The following EPM2A variants were observed in gnomAD, a reference collection of about 807,000 sequenced individuals.
EPM2A encodes the protein EPM2A glucan phosphatase, laforin, also known as laforin.
In EPM2A, 21 loss-of-function variants were observed where a neutral mutation model predicts 26.5. The ratio of observed to expected loss-of-function variants is 0.79; its 90% CI spans 0.56 to 1.14. EPM2A has a LOEUF of 1.14. EPM2A is among the 50% of genes most tolerant of loss of function. EPM2A has a pLI of 0.00. For missense variants in EPM2A, 458 were observed against 440.8 expected (o/e 1.04, Z -0.35); for synonymous variants, 217 against 177.6 (o/e 1.22, Z -1.76).
intron 1 of EPM2A, among the ~76,000 whole-genome samples, chr6:145,707,319 G>A (rs1216831895): frequency 6.6e-6 from 1 of 151,924 alleles, no homozygotes; most frequent in African/African-American, 2.4e-5. Flanking sequence ...ATAGGAAGTG[G>A]CAGGGGAAGA....
chr6:145,491,811 C>G, intron 4 of EPM2A: 1 of 531,618 alleles, frequency 1.9e-6, no homozygotes, highest in Non-Finnish European at 3.9e-6. Context: ...TCTCCTGTAT[C>G]AATTATTTTG....
intron 1 of EPM2A, 78 bp downstream of exon 1, chr6:145,735,120 C>CCCGAGG (rs1313486836): frequency 2.8e-5 from 33 of 1,158,994 alleles, no homozygotes; most frequent in Non-Finnish European, 3.7e-5. Flanking sequence ...GCGGGGCCTG[C>CCCGAGG]CCGAGGCCGA....
chr6:145,508,114 GA>G (rs1239372295), intron 2 of EPM2A, among the ~76,000 whole-genome samples: 3 of 152,198 alleles, frequency 2.0e-5, no homozygotes, highest in Non-Finnish European at 4.4e-5. Context: ...ACAAAGCCTG[GA>G]AATGAACTTA....
At chr6:145,467,075 A>T (rs961467945) in intron 4 of EPM2A, among the ~76,000 whole-genome samples, 3 of 152,198 alleles carry the variant, frequency 2.0e-5, no homozygotes, top group Non-Finnish European at 4.4e-5. Context: ...GCGCACCAGC[A>T]TGGCACATGT....
At chr6:145,662,084 C>T (rs545170022) in intron 2 of EPM2A, among the ~76,000 whole-genome samples, 47 of 152,118 alleles carry the variant, frequency 3.1e-4, no homozygotes, top group Non-Finnish European at 5.9e-4. Context: ...AACCATTTCC[C>T]CACCTACTGT....
intron 4 of EPM2A, among the ~76,000 whole-genome samples, chr6:145,438,084 T>TGTGTGTGTGCACAC (rs1156928483): frequency 6.6e-6 from 1 of 152,166 alleles, no homozygotes; most frequent in Non-Finnish European, 1.5e-5. Flanking sequence ...AGGTGGTGTA[T>TGTGTGTGTGCACAC]GTGTGTGTGC....
intron 2 of EPM2A, among the ~76,000 whole-genome samples, chr6:145,608,685 T>C (rs148187022): frequency 1.1e-4 from 16 of 152,272 alleles, no homozygotes; most frequent in East Asian, 1.9e-4. Context: ...TGGATTAAGT[T>C]TGCTGTATTT....
At chr6:145,402,595 T>A (rs1266237041) in intron 4 of EPM2A, among the ~76,000 whole-genome samples, 1 of 152,150 alleles carries the variant, frequency 6.6e-6, no homozygotes, top group Non-Finnish European at 1.5e-5. Flanking sequence ...TATTCTTGTT[T>A]TTAGGAAACT....
intron 4 of EPM2A, among the ~76,000 whole-genome samples, chr6:145,392,161 C>A (rs1778345483): frequency 6.6e-6 from 1 of 152,124 alleles, no homozygotes; most frequent in Non-Finnish European, 1.5e-5. Flanking sequence ...GAACTTTTGA[C>A]ATGCTTAAAT....
At chr6:145,705,428 A>T in intron 1 of EPM2A, 1 of 383,628 alleles carries the variant, frequency 2.6e-6, no homozygotes, top group East Asian at 7.1e-5. Flanking sequence ...TGGCGCACAC[A>T]CCTGTAGTCT....
At chr6:145,498,328 C>A (rs918349285), downstream of EPM2A, among the ~76,000 whole-genome samples, 2 of 152,210 alleles carry the variant, frequency 1.3e-5, no homozygotes, top group African/African-American at 4.8e-5. Context: ...GCTGCTTGGA[C>A]CCCTGGATTC....
At chr6:145,714,786 T>C (rs1236784588) in intron 1 of EPM2A, among the ~76,000 whole-genome samples, 2 of 152,162 alleles carry the variant, frequency 1.3e-5, no homozygotes, top group Non-Finnish European at 2.9e-5. Flanking sequence ...ATGAGACTTA[T>C]TCACTATCAC....
chr6:145,551,016 A>C (rs1041751836), intron 2 of EPM2A, among the ~76,000 whole-genome samples: 1 of 152,050 alleles, frequency 6.6e-6, no homozygotes. Flanking sequence ...ACAGCGAATA[A>C]GGTCTCCTGC....
intron 4 of EPM2A, among the ~76,000 whole-genome samples, chr6:145,384,652 T>C (rs1430777588): frequency 2.0e-5 from 3 of 147,028 alleles, no homozygotes; most frequent in African/African-American, 7.6e-5. Context: ...TGGGGAGTGC[T>C]GCCAGCTGAC....
At chr6:145,666,169 C>T (rs1779171221) in intron 2 of EPM2A, among the ~76,000 whole-genome samples, 1 of 133,186 alleles carries the variant, frequency 7.5e-6, no homozygotes, top group South Asian at 2.4e-4. Context: ...CCAGGGCAAT[C>T]AGGCAGAAGA....
At chr6:145,501,677 T>C (rs1779891890) in exon 4 of EPM2A, 1 of 416,906 alleles carries the variant, frequency 2.4e-6, no homozygotes, top group Non-Finnish European at 5.0e-6. Flanking sequence ...GTTACGAAGA[T>C]TGTCCCACTA....
intron 2 of EPM2A, among the ~76,000 whole-genome samples, chr6:145,535,211 C>A (rs1780415161): frequency 6.6e-6 from 1 of 152,168 alleles, no homozygotes; most frequent in Admixed American, 6.5e-5. Context: ...TCCAGAGAGT[C>A]CATTTGTAAC....
chr6:145,389,939 A>G (rs970914118), intron 4 of EPM2A, among the ~76,000 whole-genome samples: 3 of 152,376 alleles, frequency 2.0e-5, no homozygotes, highest in South Asian at 2.1e-4. Flanking sequence ...GGAACAAAAT[A>G]TAATTAAAAA....
At chr6:145,544,121 G>T (rs922810129) in intron 2 of EPM2A, among the ~76,000 whole-genome samples, 1 of 152,188 alleles carries the variant, frequency 6.6e-6, no homozygotes, top group African/African-American at 2.4e-5. Flanking sequence ...GGAAAATTCA[G>T]CAGGCAGAAC....
Sources: allele counts gnomAD v4.1 joint callset (sites outside exome capture counted in the v4.1 genomes callset), GRCh38; gene constraint gnomAD v4.1.1; transcripts MANE v1.5; gene names NCBI Gene and HGNC (gene_info 2026-07-23, HGNC 2026-07-21).